Variants in SYT1 observed in about 807,000 individuals in gnomAD.
The protein encoded by SYT1 is synaptotagmin-1.
In SYT1, 8 loss-of-function variants were observed where a neutral mutation model predicts 44.8. The observed-to-expected ratio is 0.18, with a 90% CI of 0.10 to 0.32. SYT1 has a LOEUF of 0.32. Among genes scored for constraint, SYT1 ranks in the 10% least tolerant of loss-of-function variants. SYT1 has a pLI of 1.00. For missense variants in SYT1, 286 were observed against 509.3 expected (o/e 0.56, Z 4.22); for synonymous variants, 154 against 188.8 (o/e 0.82, Z 1.51).
At chr12:79,301,335 A>C (rs1444906432) in intron 8 of SYT1, among the ~76,000 whole-genome samples, 2 of 152,082 alleles carry the variant, frequency 1.3e-5, no homozygotes, top group Non-Finnish European at 2.9e-5. Context: ...AAAATTGTGC[A>C]ATGTTTTTTT....
chr12:79,158,065 C>T (rs967794625), intron 3 of SYT1, among the ~76,000 whole-genome samples: 2 of 151,978 alleles, frequency 1.3e-5, no homozygotes, highest in East Asian at 3.9e-4. Flanking sequence ...GGGGTGGTTT[C>T]GGGGTGATTC....
chr12:79,130,179 G>GT (rs1868717112), intron 3 of SYT1, among the ~76,000 whole-genome samples: 2 of 152,084 alleles, frequency 1.3e-5, no homozygotes, highest in South Asian at 4.1e-4. Context: ...GGAATAAAGT[G>GT]TTTTTTCACA....
chr12:79,162,646 A>G (rs1871016050), intron 3 of SYT1, among the ~76,000 whole-genome samples: 1 of 152,042 alleles, frequency 6.6e-6, no homozygotes, highest in Admixed American at 6.6e-5. Context: ...TAGCATTTAC[A>G]ACATTTTACT....
intron 9 of SYT1, among the ~76,000 whole-genome samples, chr12:79,419,492 A>C (rs1029456698): frequency 6.6e-6 from 1 of 152,092 alleles, no homozygotes; most frequent in Admixed American, 6.6e-5. Context: ...AATGGGATTC[A>C]ATTACATTTC....
chr12:79,239,931 G>A (rs567816994), intron 4 of SYT1, among the ~76,000 whole-genome samples: 1 of 152,256 alleles, frequency 6.6e-6, no homozygotes, highest in East Asian at 1.9e-4. Flanking sequence ...TCTCACCTCA[G>A]GAAGGGCCTA....
intron 2 of SYT1, among the ~76,000 whole-genome samples, chr12:79,023,067 T>G (rs1872298506): frequency 6.6e-6 from 1 of 151,784 alleles, no homozygotes; most frequent in South Asian, 2.1e-4. Flanking sequence ...TAAATCAGAC[T>G]CTTTTGACTT....
intron 2 of SYT1, among the ~76,000 whole-genome samples, chr12:78,993,959 T>C (rs922175907): frequency 2.0e-5 from 3 of 152,220 alleles, no homozygotes; most frequent in Non-Finnish European, 4.4e-5. Context: ...TTAATAATTA[T>C]GAAACATTTT....
At chr12:78,994,561 G>C (rs1477356257) in intron 2 of SYT1, among the ~76,000 whole-genome samples, 1 of 124,228 alleles carries the variant, frequency 8.0e-6, no homozygotes, top group Non-Finnish European at 1.6e-5. Context: ...TTTTGAGATG[G>C]AGTCTCACTC....
intron 3 of SYT1, among the ~76,000 whole-genome samples, chr12:79,055,626 G>A (rs1874874787): frequency 6.6e-6 from 1 of 151,740 alleles, no homozygotes. Flanking sequence ...TGTGTCAGCA[G>A]GAAAACAAAA....
In SYT1 at chr12:79,100,382, C is replaced by T. The variant is rs182054279; in HGVS notation, c.-18+53020C>T. 1.1e-3 allele frequency among the ~76,000 whole-genome samples: 173 copies of T among 152,118 alleles called. 1 individual carries two copies. Among genetic ancestry groups the T allele is most frequent in the African/African-American group, 3.6e-3 (151 of 41,504 alleles). On this transcript the variant is annotated intron_variant, in intron 3 of 10. Transcript: ENST00000261205. ...TATCTTAAAGGTTTTTCAGTGAAAA[C>T]TGGTCTGCTAAGAAGTCATAATAAT...
intron 2 of SYT1, among the ~76,000 whole-genome samples, chr12:78,985,087 C>T (rs936035677): frequency 1.3e-5 from 2 of 151,488 alleles, no homozygotes; most frequent in South Asian, 4.2e-4. Context: ...TAGGAAAGAA[C>T]AACGAATGAC....
chr12:79,438,342 G>A (rs1430922089), intron 9 of SYT1, among the ~76,000 whole-genome samples: 1 of 152,196 alleles, frequency 6.6e-6, no homozygotes, highest in African/African-American at 2.4e-5. Flanking sequence ...CATGCCTGAA[G>A]GACTAGGTGG....
At chr12:79,015,156 A>G (rs1280500614) in intron 2 of SYT1, among the ~76,000 whole-genome samples, 1 of 152,046 alleles carries the variant, frequency 6.6e-6, no homozygotes, top group Admixed American at 6.6e-5. Flanking sequence ...GCACATGTAT[A>G]CATATGTAAC....
intron 4 of SYT1, among the ~76,000 whole-genome samples, chr12:79,256,081 C>T (rs1877497559): frequency 6.6e-6 from 1 of 152,162 alleles, no homozygotes; most frequent in Non-Finnish European, 1.5e-5. Context: ...AAGGGCTCTG[C>T]AACCACTTGT....
intron 3 of SYT1, among the ~76,000 whole-genome samples, chr12:79,149,212 C>A (rs915320745): frequency 6.6e-5 from 10 of 151,974 alleles, no homozygotes; most frequent in Admixed American, 6.5e-4. Context: ...GAATTATAGA[C>A]CCCTTCTAAC....
Position 79,091,081 on chromosome 12 carries a change from T to A in SYT1, c.-18+43719T>A, listed in dbSNP as rs73353576. ...AAGGATAAATTTTCAGAGCCATGCT[T>A]TGTGTCTGCAGACCCTCTGAATAGC... On this transcript the variant is annotated intron_variant, in intron 3 of 10. Transcript: ENST00000261205. Among the ~76,000 whole-genome samples, 1,197 of 152,116 alleles carry A rather than the reference T, an allele frequency of 7.9e-3. 19 individuals carry two copies. The highest frequency in any genetic ancestry group is 0.028 in the African/African-American group (1,143 of 41,558).
intron 9 of SYT1, among the ~76,000 whole-genome samples, chr12:79,360,609 G>T (rs1373672423): frequency 2.0e-5 from 3 of 152,136 alleles, no homozygotes; most frequent in Non-Finnish European, 4.4e-5. Flanking sequence ...TGATATCAGG[G>T]TCAAGCAATA....
At chr12:79,127,969 A>C (rs1044372393) in intron 3 of SYT1, among the ~76,000 whole-genome samples, 3 of 152,238 alleles carry the variant, frequency 2.0e-5, no homozygotes, top group Non-Finnish European at 2.9e-5. Flanking sequence ...TGCATGATGG[A>C]TGAATTAGGT....
At chr12:78,960,763 C>G (rs937801611) in intron 1 of SYT1, 20 of 152,096 alleles carry the variant, frequency 1.3e-4, no homozygotes, top group African/African-American at 4.6e-4. Context: ...AAAACTTAAC[C>G]TAGCTAAAAG....
Sources: gnomAD v4.1 joint callset for allele counts (sites outside exome capture counted in the v4.1 genomes callset) on GRCh38, gnomAD v4.1.1 for gene constraint, MANE v1.5 for transcripts, NCBI Gene and HGNC (gene_info 2026-07-23, HGNC 2026-07-21) for gene names.